ARL15: variants seen among roughly 807,000 people sequenced by gnomAD.
The protein encoded by ARL15 is ADP-ribosylation factor-like protein 15.
In ARL15, 19 loss-of-function variants were observed where a neutral mutation model predicts 25.2. The observed-to-expected ratio is 0.75, with a 90% CI of 0.53 to 1.10. The LOEUF (loss-of-function observed/expected upper bound fraction) is 1.10, where lower values mean the gene tolerates loss of function less well. Among genes scored for constraint, ARL15 ranks in the 50% least tolerant of loss-of-function variants. The pLI is 0.00. For synonymous variants in ARL15, 94 were observed against 86.8 expected (o/e 1.08, Z -0.46); for missense variants, 220 against 246.0 (o/e 0.89, Z 0.71).
At chr5:53,970,468 G>C (rs1485407335) in intron 4 of ARL15, among the ~76,000 whole-genome samples, 3 of 151,764 alleles carry the variant, frequency 2.0e-5, no homozygotes, top group Non-Finnish European at 4.4e-5. Context: ...CTATAGCAGA[G>C]AGTGAGAATG....
chr5:53,947,527 A>T (rs1746789129), intron 4 of ARL15, among the ~76,000 whole-genome samples: 1 of 152,176 alleles, frequency 6.6e-6, no homozygotes, highest in Non-Finnish European at 1.5e-5. Flanking sequence ...TATGTAGAGC[A>T]AACCCTGATG....
At chr5:54,048,856 CAA>C (rs1750616886) in intron 4 of ARL15, among the ~76,000 whole-genome samples, 1 of 150,976 alleles carries the variant, frequency 6.6e-6, no homozygotes, top group African/African-American at 2.4e-5. Context: ...TGACACATTC[CAA>C]GAGATCCAAA....
At chr5:53,932,874 G>A (rs1746233859) in intron 4 of ARL15, among the ~76,000 whole-genome samples, 1 of 152,152 alleles carries the variant, frequency 6.6e-6, no homozygotes, top group South Asian at 2.1e-4. Context: ...AAATGTAGAA[G>A]CGCTGGGGCA....
chr5:54,034,295 T>C (rs72750220), intron 4 of ARL15, among the ~76,000 whole-genome samples: 2,612 of 152,332 alleles, frequency 0.017, 36 homozygotes, highest in Non-Finnish European at 0.028. Flanking sequence ...GCAGGACTCA[T>C]AGAAACTGCC....
intron 4 of ARL15, among the ~76,000 whole-genome samples, chr5:53,981,671 G>A (rs1010950614): frequency 1.3e-5 from 2 of 152,070 alleles, no homozygotes; most frequent in African/African-American, 2.4e-5. Flanking sequence ...TGAGGCAGGC[G>A]GATCACCTGA....
At chr5:53,887,331 C>T (rs1477311011) in intron 4 of ARL15, 5 of 699,142 alleles carry the variant, frequency 7.2e-6, no homozygotes, top group South Asian at 1.5e-5. Flanking sequence ...CATAAATTTA[C>T]ATATATGCGT....
intron 4 of ARL15, among the ~76,000 whole-genome samples, chr5:53,995,665 A>G (rs1748645975): frequency 6.6e-6 from 1 of 152,208 alleles, no homozygotes; most frequent in Admixed American, 6.5e-5. Flanking sequence ...CATTTTCATT[A>G]AAATGCTCAG....
At chr5:54,099,714 G>C (rs751831458) in intron 4 of ARL15, among the ~76,000 whole-genome samples, 4 of 152,126 alleles carry the variant, frequency 2.6e-5, no homozygotes, top group African/African-American at 7.2e-5. Flanking sequence ...CCTGTCAGGA[G>C]GAGGGGGAAG....
chr5:54,092,070 A>ACACACACACACACACACACACACCAC (rs746618758), intron 4 of ARL15, among the ~76,000 whole-genome samples: 1 of 151,460 alleles, frequency 6.6e-6, no homozygotes. Context: ...ACACACACAC[A>ACACACACACACACACACACACACCAC]CACCACCACC....
At chr5:53,910,432 C>T (rs1325412140) in intron 4 of ARL15, among the ~76,000 whole-genome samples, 1 of 151,784 alleles carries the variant, frequency 6.6e-6, no homozygotes, top group African/African-American at 2.4e-5. Flanking sequence ...ACAAGAAATT[C>T]AAAACTACGC....
chr5:53,976,046 G>T (rs184068363), intron 4 of ARL15, among the ~76,000 whole-genome samples: 19 of 152,302 alleles, frequency 1.2e-4, no homozygotes, highest in Admixed American at 1.1e-3. Context: ...TGGAAGGAAA[G>T]AAATTGATTT....
intron 4 of ARL15, among the ~76,000 whole-genome samples, chr5:54,040,225 A>C (rs1750294646): frequency 6.6e-6 from 1 of 152,208 alleles, no homozygotes; most frequent in African/African-American, 2.4e-5. Flanking sequence ...CATTATGCAG[A>C]TATTAATAAT....
At chr5:54,218,070 C>T (rs1756264172) in intron 1 of ARL15, among the ~76,000 whole-genome samples, 1 of 152,126 alleles carries the variant, frequency 6.6e-6, no homozygotes, top group African/African-American at 2.4e-5. Flanking sequence ...CATCTACCGA[C>T]AACTTTTACC....
intron 4 of ARL15, among the ~76,000 whole-genome samples, chr5:54,010,297 G>A (rs1484338252): frequency 6.6e-6 from 1 of 152,138 alleles, no homozygotes; most frequent in Non-Finnish European, 1.5e-5. Flanking sequence ...AGTAAAACAA[G>A]TAGATTGATT....
intron 1 of ARL15, among the ~76,000 whole-genome samples, chr5:54,256,424 A>AT (rs1757366458): frequency 6.7e-6 from 1 of 149,724 alleles, no homozygotes; most frequent in Non-Finnish European, 1.5e-5. Flanking sequence ...AAAAAAAAAA[A>AT]AAAAAAAAAG....
intron 4 of ARL15, among the ~76,000 whole-genome samples, chr5:53,940,842 T>C (rs566522290): frequency 3.9e-5 from 6 of 152,352 alleles, no homozygotes; most frequent in South Asian, 4.1e-4. Flanking sequence ...GATCACATCA[T>C]GCAGCTGACT....
chr5:53,947,167 G>GGT (rs3222349), intron 4 of ARL15, among the ~76,000 whole-genome samples: 7,890 of 123,352 alleles, frequency 0.064, 268 homozygotes, highest in East Asian at 0.14. Context: ...AATAAATAAG[G>GGT]GTGTGTGTGT....
chr5:53,926,325 G>A (rs888732915), intron 4 of ARL15, among the ~76,000 whole-genome samples: 1 of 152,056 alleles, frequency 6.6e-6, no homozygotes, highest in Non-Finnish European at 1.5e-5. Flanking sequence ...CCATGGCAGG[G>A]GCTGCCCAGT....
intron 1 of ARL15, among the ~76,000 whole-genome samples, chr5:54,187,242 A>G (rs1443112053): frequency 6.6e-6 from 1 of 152,184 alleles, no homozygotes; most frequent in Non-Finnish European, 1.5e-5. Context: ...GAGCTGGAGA[A>G]TCTAACCAGC....
Sources: gnomAD v4.1 joint callset for allele counts (sites outside exome capture counted in the v4.1 genomes callset) on GRCh38, gnomAD v4.1.1 for gene constraint, MANE v1.5 for transcripts, NCBI Gene and HGNC (gene_info 2026-07-23, HGNC 2026-07-21) for gene names.